Variants in DDR2 observed in about 807,000 individuals in gnomAD.
DDR2 encodes discoidin domain-containing receptor 2.
A neutral mutation model predicts 94.9 loss-of-function variants in DDR2; 27 were observed. The observed-to-expected ratio is 0.28, with a 90% CI of 0.21 to 0.39. DDR2 has a LOEUF of 0.39. Among genes scored for constraint, DDR2 ranks in the 10% least tolerant of loss-of-function variants. The probability of loss-of-function intolerance (pLI) is 1.00; values close to 1 mark genes in which losing one functional copy is unlikely to be tolerated. For synonymous variants in DDR2, 382 were observed against 377.2 expected (o/e 1.01, Z -0.15); for missense variants, 783 against 1,076.0 (o/e 0.73, Z 3.81).
At chr1:162,693,167 G>A (rs1660033188) in intron 2 of DDR2, among the ~76,000 whole-genome samples, 1 of 152,198 alleles carries the variant, frequency 6.6e-6, no homozygotes, top group African/African-American at 2.4e-5. Flanking sequence ...TTGGGGAAGA[G>A]CAAGAGGTTA....
At chr1:162,744,019 A>T (rs1160250741) in intron 3 of DDR2, among the ~76,000 whole-genome samples, 1 of 152,192 alleles carries the variant, frequency 6.6e-6, no homozygotes, top group Non-Finnish European at 1.5e-5. Flanking sequence ...TTTGAAATTT[A>T]TCCATGTTGT....
At chr1:162,726,955 G>A (rs1047586055) in intron 3 of DDR2, among the ~76,000 whole-genome samples, 3 of 150,962 alleles carry the variant, frequency 2.0e-5, no homozygotes, top group Non-Finnish European at 4.4e-5. Flanking sequence ...ACAATATAGC[G>A]ATATAAGTAT....
intron 2 of DDR2, among the ~76,000 whole-genome samples, chr1:162,671,641 C>G (rs1006197384): frequency 3.9e-5 from 6 of 152,160 alleles, no homozygotes; most frequent in Admixed American, 1.3e-4. Context: ...GTTCTCTCTT[C>G]CTAGTCTCCT....
At position 162,719,114 on chromosome 1, in the gene DDR2, C is replaced by T; in HGVS notation, c.51C>T (p.Ile17=). 2 of 1,613,852 alleles carry T rather than the reference C, an allele frequency of 1.2e-6. No individual in the cohort carries two copies. Among genetic ancestry groups the T allele is most frequent in the South Asian group, 1.1e-5 (1 of 91,076 alleles). ...TGGTGCTGTTCCTGCTGCTGCCTAT[C>T]TTGAGTTCTGCAAAAGCTCAGGTTA... ...MLLVLFLLLP[I]LSSAKAQVNP... The change falls in exon 3 of 18, where the codon ATC becomes ATT. Residue 17 remains isoleucine (I), a synonymous_variant. Transcript: ENST00000367921.
intron 3 of DDR2, among the ~76,000 whole-genome samples, chr1:162,744,676 C>T (rs1049702477): frequency 6.6e-6 from 1 of 152,026 alleles, no homozygotes; most frequent in Non-Finnish European, 1.5e-5. Flanking sequence ...AGCCCCCCAC[C>T]CAATTTCTTT....
At chr1:162,636,947 T>C (rs894436045) in intron 1 of DDR2, among the ~76,000 whole-genome samples, 5 of 152,166 alleles carry the variant, frequency 3.3e-5, no homozygotes, top group Non-Finnish European at 7.3e-5. Flanking sequence ...ATGTCTAAGA[T>C]AGTTTTCCAC....
intron 1 of DDR2, among the ~76,000 whole-genome samples, chr1:162,639,241 A>T (rs566872687): frequency 1.3e-5 from 2 of 152,362 alleles, no homozygotes; most frequent in African/African-American, 4.8e-5. Flanking sequence ...TTCAAGGCTT[A>T]CTGTAAAGCT....
intron 3 of DDR2, among the ~76,000 whole-genome samples, chr1:162,749,742 C>T (rs911084154): frequency 6.6e-6 from 1 of 152,210 alleles, no homozygotes; most frequent in Non-Finnish European, 1.5e-5. Context: ...CCCTGATGAA[C>T]ATTCATGCAA....
At chr1:162,651,927 C>T (rs749515720) in intron 1 of DDR2, among the ~76,000 whole-genome samples, 9 of 152,168 alleles carry the variant, frequency 5.9e-5, no homozygotes, top group East Asian at 3.9e-4. Flanking sequence ...CATCAGCCTA[C>T]GGTTAAGGAT....
chr1:162,780,271 C>T lies in DDR2; in HGVS notation c.*25C>T. The T allele has an allele frequency of 1.9e-6, 3 of 1,613,590 alleles. No individual in the cohort carries two copies. Among genetic ancestry groups the T allele is most frequent in the Non-Finnish European group, 2.5e-6 (3 of 1,179,762 alleles). On this transcript the variant is annotated 3_prime_UTR_variant, in exon 18 of 18. Transcript: ENST00000367921. ...ATGCTGTCAGTGCCTGGCCATGTTC[C>T]TACGGCTCAGGTCCTCCCTACAAGA...
At chr1:162,666,869 C>T (rs746972345) in intron 2 of DDR2, among the ~76,000 whole-genome samples, 1 of 150,296 alleles carries the variant, frequency 6.7e-6, no homozygotes, top group Non-Finnish European at 1.5e-5. Context: ...TCCTTCTTGA[C>T]ATTTTTCTAA....
intron 2 of DDR2, among the ~76,000 whole-genome samples, chr1:162,670,862 A>G (rs772024043): frequency 6.6e-6 from 1 of 152,184 alleles, no homozygotes; most frequent in African/African-American, 2.4e-5. Context: ...GAGCCAGAAC[A>G]CTAATTTCAG....
At chr1:162,750,426 C>G (rs1414184082) in intron 3 of DDR2, among the ~76,000 whole-genome samples, 17 of 152,110 alleles carry the variant, frequency 1.1e-4, no homozygotes, top group Non-Finnish European at 2.9e-5. Context: ...ACCTAGGAAT[C>G]CAACTTACAA....
chr1:162,733,615 C>T (rs1662160939), intron 3 of DDR2, among the ~76,000 whole-genome samples: 1 of 152,194 alleles, frequency 6.6e-6, no homozygotes, highest in Non-Finnish European at 1.5e-5. Flanking sequence ...AGACCTCCAT[C>T]CTAACTTTCG....
chr1:162,653,807 A>AC (rs1318314404), intron 1 of DDR2, among the ~76,000 whole-genome samples: 1 of 152,176 alleles, frequency 6.6e-6, no homozygotes, highest in Non-Finnish European at 1.5e-5. Flanking sequence ...TTGTTTTGTC[A>AC]ACTTTGTAAG....
chr1:162,657,820 C>T (rs1658076675), intron 2 of DDR2, among the ~76,000 whole-genome samples: 1 of 152,080 alleles, frequency 6.6e-6, no homozygotes, highest in Middle Eastern at 3.4e-3. Context: ...CTTCTCCTCC[C>T]CTTCTTCCCT....
chr1:162,648,779 G>A (rs1657541112), intron 1 of DDR2, among the ~76,000 whole-genome samples: 1 of 152,180 alleles, frequency 6.6e-6, no homozygotes, highest in South Asian at 2.1e-4. Context: ...GGCAAAGGCA[G>A]CGTGGAACAA....
At chr1:162,718,020 G>A (rs1199976515) in intron 2 of DDR2, among the ~76,000 whole-genome samples, 1 of 152,114 alleles carries the variant, frequency 6.6e-6, no homozygotes. Flanking sequence ...GAATTCTTTT[G>A]CATTGGAAAT....
chr1:162,747,439 A>C (rs1662934201), intron 3 of DDR2, among the ~76,000 whole-genome samples: 1 of 124,792 alleles, frequency 8.0e-6, no homozygotes, highest in African/African-American at 2.8e-5. Context: ...GCGAGAAGAG[A>C]AGTTTAGAGA....
Sources: gnomAD v4.1 joint callset for allele counts (sites outside exome capture counted in the v4.1 genomes callset) on GRCh38, gnomAD v4.1.1 for gene constraint, MANE v1.5 for transcripts, NCBI Gene and HGNC (gene_info 2026-07-23, HGNC 2026-07-21) for gene names.